ROR2: variants seen among roughly 807,000 people sequenced by gnomAD.
The protein encoded by ROR2 is ROR family WNT receptor 2.
Under a neutral mutation model 74.9 loss-of-function variants are expected in ROR2, and 33 were observed. The ratio of observed to expected loss-of-function variants is 0.44; its 90% CI spans 0.33 to 0.59. The LOEUF (loss-of-function observed/expected upper bound fraction) is 0.59, where lower values mean the gene tolerates loss of function less well. ROR2 is among the 20% of genes least tolerant of loss of function. ROR2 has a pLI of 0.02. For missense variants in ROR2, 1,216 were observed against 1,313.8 expected, an observed-to-expected ratio of 0.93 and a Z score of 1.15; for synonymous variants, 586 against 558.7, an observed-to-expected ratio of 1.05 and a Z score of -0.69.
chr9:91,767,844 A>T (rs749663565), intron 2 of ROR2, among the ~76,000 whole-genome samples: 37 of 152,188 alleles, frequency 2.4e-4, no homozygotes, highest in Non-Finnish European at 4.6e-4. Context: ...GAAGAAACTG[A>T]GAGTATGGTG....
intron 1 of ROR2, among the ~76,000 whole-genome samples, chr9:91,808,861 G>A (rs1827655271): frequency 6.6e-6 from 1 of 150,632 alleles, no homozygotes; most frequent in Admixed American, 6.6e-5. Context: ...AAATTAGCCG[G>A]GCGTGGTGGC....
At chr9:91,777,734 C>G (rs1369830287) in intron 1 of ROR2, among the ~76,000 whole-genome samples, 3 of 152,128 alleles carry the variant, frequency 2.0e-5, no homozygotes, top group African/African-American at 7.2e-5. Context: ...CTGGTAACCA[C>G]GAATCTGCTG....
intron 1 of ROR2, among the ~76,000 whole-genome samples, chr9:91,867,233 A>T (rs1829661015): frequency 6.6e-6 from 1 of 152,204 alleles, no homozygotes; most frequent in Non-Finnish European, 1.5e-5. Context: ...GGTGAAGATA[A>T]GTATATCTTT....
intron 4 of ROR2, among the ~76,000 whole-genome samples, chr9:91,755,268 T>C (rs1486226009): frequency 6.6e-6 from 1 of 152,204 alleles, no homozygotes; most frequent in Admixed American, 6.5e-5. Flanking sequence ...GGGTGGGTAA[T>C]GGGTACAAGG....
At chr9:91,806,866 G>A (rs746550588) in intron 1 of ROR2, among the ~76,000 whole-genome samples, 2 of 152,226 alleles carry the variant, frequency 1.3e-5, no homozygotes, top group Admixed American at 6.5e-5. Flanking sequence ...TGGGATTACA[G>A]GCATAAGCCA....
rs111229276 is a variant in ROR2 at position 91,783,035 on chromosome 9, G to A, written c.98-7217C>T. On this transcript the variant is annotated intron_variant, in intron 1 of 8. Transcript: ENST00000375708. ...TGTCAGTAGGGCAGGTTCCTTCTGC[G>A]GCTGGGAGAGAGGATCTGCTGCAGG... 1.2e-4 allele frequency among the ~76,000 whole-genome samples: 19 copies of A among 152,292 alleles called. 2 individuals carry two copies. The highest frequency in any genetic ancestry group is 8.3e-4 in the South Asian group (4 of 4,824).
intron 1 of ROR2, among the ~76,000 whole-genome samples, chr9:91,891,252 C>CTTT (rs59835723): frequency 7.3e-5 from 10 of 136,840 alleles, no homozygotes; most frequent in South Asian, 2.3e-4. Context: ...CTGTTCCTTT[C>CTTT]TTTTTTTTTT....
At chr9:91,784,335 C>A (rs1355030545) in intron 1 of ROR2, among the ~76,000 whole-genome samples, 1 of 152,200 alleles carries the variant, frequency 6.6e-6, no homozygotes, top group African/African-American at 2.4e-5. Context: ...TGCAGCACCC[C>A]CTGGCCCCCA....
At chr9:91,893,882 G>T (rs1830480095) in intron 1 of ROR2, among the ~76,000 whole-genome samples, 1 of 152,146 alleles carries the variant, frequency 6.6e-6, no homozygotes, top group African/African-American at 2.4e-5. Context: ...GGACAGTTCT[G>T]GGGCTTTAAG....
intron 2 of ROR2, among the ~76,000 whole-genome samples, chr9:91,763,157 C>T (rs2118877426): frequency 6.6e-6 from 1 of 152,252 alleles, no homozygotes; most frequent in Admixed American, 6.5e-5. Context: ...GAACAACAGA[C>T]ACCAGGGCCT....
intron 5 of ROR2, among the ~76,000 whole-genome samples, chr9:91,735,907 T>C (rs1825008179): frequency 6.6e-6 from 1 of 152,082 alleles, no homozygotes; most frequent in Non-Finnish European, 1.5e-5. Context: ...TGAGCCACCG[T>C]GCCCGGCCAC....
At chr9:91,743,811 G>A (rs997569872) in intron 4 of ROR2, among the ~76,000 whole-genome samples, 1 of 152,030 alleles carries the variant, frequency 6.6e-6, no homozygotes, top group Non-Finnish European at 1.5e-5. Flanking sequence ...AAAATACCTG[G>A]GAATAAACCT....
intron 1 of ROR2, among the ~76,000 whole-genome samples, chr9:91,888,781 C>T (rs1366522636): frequency 6.6e-6 from 1 of 152,194 alleles, no homozygotes; most frequent in Non-Finnish European, 1.5e-5. Flanking sequence ...AAGGGGCTGG[C>T]AATGCTCAGA....
intron 1 of ROR2, chr9:91,948,785 G>A: frequency 1.0e-6 from 1 of 985,458 alleles, no homozygotes; most frequent in South Asian, 4.7e-5. Flanking sequence ...CACATTCCGG[G>A]GGCTTCAGGC....
At chr9:91,746,856 A>AGG (rs1240873444) in intron 4 of ROR2, among the ~76,000 whole-genome samples, 2 of 88,850 alleles carry the variant, frequency 2.3e-5, no homozygotes, top group Non-Finnish European at 4.4e-5. Flanking sequence ...TTCCTTGAGC[A>AGG]GGTGTGTGTG....
chr9:91,882,342 C>T (rs1011779633), intron 1 of ROR2, among the ~76,000 whole-genome samples: 3 of 150,224 alleles, frequency 2.0e-5, no homozygotes, highest in Admixed American at 6.7e-5. Context: ...ACCCAGGAGG[C>T]GGAGGTTGCA....
At chr9:91,876,343 C>T (rs966365421) in intron 1 of ROR2, among the ~76,000 whole-genome samples, 5 of 150,570 alleles carry the variant, frequency 3.3e-5, no homozygotes, top group South Asian at 2.1e-4. Flanking sequence ...CACTCCAGCA[C>T]GGGCGGCAGA....
intron 1 of ROR2, among the ~76,000 whole-genome samples, chr9:91,931,161 AAAC>A (rs1831539777): frequency 1.3e-5 from 2 of 152,336 alleles, no homozygotes; most frequent in South Asian, 2.1e-4. Context: ...AAGAAGAAAA[AAAC>A]AATAGGATTA....
At chr9:91,841,509 A>G (rs1048722489) in intron 1 of ROR2, among the ~76,000 whole-genome samples, 2 of 152,250 alleles carry the variant, frequency 1.3e-5, no homozygotes, top group African/African-American at 4.8e-5. Flanking sequence ...TATTAATTTT[A>G]AAAGATTATT....
Sources: allele counts gnomAD v4.1 joint callset (sites outside exome capture counted in the v4.1 genomes callset), GRCh38; gene constraint gnomAD v4.1.1; transcripts MANE v1.5; gene names NCBI Gene and HGNC (gene_info 2026-07-23, HGNC 2026-07-21).